Variants in PDGFD observed in about 807,000 individuals in gnomAD.
PDGFD encodes the protein platelet derived growth factor D, also known as platelet-derived growth factor D.
PDGFD carries 30 observed loss-of-function variants against 44.7 expected under a neutral mutation model. The ratio of observed to expected loss-of-function variants is 0.67; its 90% CI spans 0.50 to 0.91. The LOEUF (loss-of-function observed/expected upper bound fraction) is 0.91, where lower values mean the gene tolerates loss of function less well. PDGFD is among the 40% of genes least tolerant of loss of function. The pLI is 0.00. For synonymous variants in PDGFD, 173 were observed against 168.4 expected (o/e 1.03, Z -0.21); for missense variants, 445 against 457.8 (o/e 0.97, Z 0.25).
At chr11:104,056,246 C>G (rs1203559701) in intron 1 of PDGFD, among the ~76,000 whole-genome samples, 1 of 152,012 alleles carries the variant, frequency 6.6e-6, no homozygotes, top group Non-Finnish European at 1.5e-5. Flanking sequence ...TGATATAATA[C>G]TTAATATGGA....
chr11:104,135,216 C>T (rs995767026), intron 1 of PDGFD, among the ~76,000 whole-genome samples: 1 of 152,176 alleles, frequency 6.6e-6, no homozygotes, highest in Non-Finnish European at 1.5e-5. Context: ...ATAGTGGTTA[C>T]CCTTTCAGTG....
chr11:104,040,877 T>C (rs1399148719), intron 1 of PDGFD, among the ~76,000 whole-genome samples: 2 of 152,080 alleles, frequency 1.3e-5, no homozygotes, highest in African/African-American at 2.4e-5. Flanking sequence ...TTATCATTTC[T>C]TAGTCTTACT....
intron 1 of PDGFD, among the ~76,000 whole-genome samples, chr11:104,136,966 T>A (rs1862014690): frequency 6.6e-6 from 1 of 152,212 alleles, no homozygotes; most frequent in Non-Finnish European, 1.5e-5. Context: ...TAGTCCAATG[T>A]CCTCATTTTG....
Position 103,988,888 on chromosome 11 carries a change from G to C in PDGFD, c.510+7177C>G, listed in dbSNP as rs146507919. Among the ~76,000 whole-genome samples, 224 of 152,262 alleles carry C rather than the reference G, an allele frequency of 1.5e-3. 2 individuals are homozygous for C. The East Asian group carries it at 0.036, about 25-fold the overall frequency. ...TTTTCCCTAATCCATGCTTCATGGA[G>C]ATGCATTCATGCAAGACTTAGTAGT... On this transcript the variant is annotated intron_variant, in intron 3 of 6. Transcript: ENST00000393158.
At chr11:103,945,636 C>T (rs1437919241) in intron 4 of PDGFD, 1 of 152,168 alleles carries the variant, frequency 6.6e-6, no homozygotes, top group Non-Finnish European at 1.5e-5. Flanking sequence ...CCGATCAAGT[C>T]ATTCCCACGC....
intron 1 of PDGFD, chr11:104,037,219 A>C (rs1860261211): frequency 6.2e-7 from 1 of 1,613,544 alleles, no homozygotes; most frequent in Non-Finnish European, 8.5e-7. Context: ...GTCAGGAGAG[A>C]AGGTGGCCGG....
intron 5 of PDGFD, among the ~76,000 whole-genome samples, chr11:103,935,897 G>A (rs958080573): frequency 4.6e-5 from 7 of 152,160 alleles, no homozygotes; most frequent in African/African-American, 1.4e-4. Flanking sequence ...CAAGGCCACT[G>A]CTACTGATTT....
At chr11:104,051,488 G>T (rs1225444053) in intron 1 of PDGFD, among the ~76,000 whole-genome samples, 4 of 152,010 alleles carry the variant, frequency 2.6e-5, no homozygotes, top group East Asian at 1.9e-4. Flanking sequence ...CACTACGGGG[G>T]TCATACCAAC....
intron 2 of PDGFD, among the ~76,000 whole-genome samples, chr11:103,996,698 A>G (rs1191109804): frequency 1.3e-5 from 2 of 152,248 alleles, no homozygotes; most frequent in Non-Finnish European, 2.9e-5. Context: ...ACCTATATCT[A>G]TATAGCTTAC....
At chr11:103,981,600 C>T (rs1859273807) in intron 3 of PDGFD, among the ~76,000 whole-genome samples, 1 of 151,784 alleles carries the variant, frequency 6.6e-6, no homozygotes, top group Non-Finnish European at 1.5e-5. Flanking sequence ...GTTTAATTGA[C>T]ACTCTAGATC....
chr11:104,086,682 A>G (rs1406555899), intron 1 of PDGFD, among the ~76,000 whole-genome samples: 4 of 152,232 alleles, frequency 2.6e-5, no homozygotes, highest in Non-Finnish European at 5.9e-5. Flanking sequence ...TCACCCAAAC[A>G]TTGTCACAAT....
intron 1 of PDGFD, chr11:104,037,554 C>T (rs754938395): frequency 6.2e-7 from 1 of 1,614,008 alleles, no homozygotes; most frequent in South Asian, 1.1e-5. Flanking sequence ...TGACGATGCT[C>T]TACATTAACT....
chr11:103,910,973 T>C (rs993534540), intron 6 of PDGFD, among the ~76,000 whole-genome samples: 2 of 152,186 alleles, frequency 1.3e-5, no homozygotes, highest in East Asian at 1.9e-4. Context: ...ACTGGGAAGT[T>C]TGAATGGGGC....
chr11:104,115,258 CAT>C (rs567213836), intron 1 of PDGFD, among the ~76,000 whole-genome samples: 83 of 145,976 alleles, frequency 5.7e-4, no homozygotes, highest in Admixed American at 1.3e-3. Context: ...AGCATTCTAT[CAT>C]ATATATATAT....
At chr11:103,997,713 C>A (rs571561708) in intron 2 of PDGFD, among the ~76,000 whole-genome samples, 2 of 152,166 alleles carry the variant, frequency 1.3e-5, no homozygotes, top group African/African-American at 4.8e-5. Flanking sequence ...GTATACAATA[C>A]ATGTAAATCA....
chr11:103,912,032 T>G (rs1241673595), intron 6 of PDGFD, among the ~76,000 whole-genome samples: 1 of 152,024 alleles, frequency 6.6e-6, no homozygotes, highest in African/African-American at 2.4e-5. Flanking sequence ...ATGGGGAGAA[T>G]GGAATCAAGT....
intron 1 of PDGFD, among the ~76,000 whole-genome samples, chr11:104,035,561 C>CTT (rs3050598): frequency 9.5e-4 from 110 of 115,256 alleles, no homozygotes; most frequent in African/African-American, 2.3e-3. Flanking sequence ...ACTTCTTTTT[C>CTT]TTTTTTTTTT....
In PDGFD at chr11:104,032,645, T is replaced by C. The variant is rs556860380; in HGVS notation, c.125-32390A>G. ...TAACTGAAACCATCAGTTATGTGGA[T>C]TTTTTTCTTTTTTTTTTTTGCTACA... On this transcript the variant is annotated intron_variant, in intron 1 of 6. Coordinates refer to ENST00000393158, the MANE Select transcript of PDGFD (RefSeq NM_025208.5). Among the ~76,000 whole-genome samples, 614 of 149,628 alleles carry C rather than the reference T, an allele frequency of 4.1e-3. 2 individuals carry two copies. Among genetic ancestry groups the C allele is most frequent in the Middle Eastern group, 0.024 (7 of 292 alleles).
intron 1 of PDGFD, among the ~76,000 whole-genome samples, chr11:104,077,863 A>G (rs1860987742): frequency 6.6e-6 from 1 of 152,050 alleles, no homozygotes; most frequent in African/African-American, 2.4e-5. Context: ...TTGTGTTGCT[A>G]TTTTTTTCAC....
Sources: gnomAD v4.1 joint callset for allele counts (sites outside exome capture counted in the v4.1 genomes callset) on GRCh38, gnomAD v4.1.1 for gene constraint, MANE v1.5 for transcripts, NCBI Gene and HGNC (gene_info 2026-07-23, HGNC 2026-07-21) for gene names.